Variants in DCDC1 observed in about 807,000 individuals in gnomAD.
DCDC1 encodes the protein doublecortin domain containing 1, also known as doublecortin domain-containing protein 1.
A neutral mutation model predicts 178.3 loss-of-function variants in DCDC1; 200 were observed. The ratio of observed to expected loss-of-function variants is 1.12; its 90% CI spans 1.00 to 1.26. DCDC1 has a LOEUF of 1.26. Among genes scored for constraint, DCDC1 ranks in the 50% most tolerant of loss-of-function variants. DCDC1 has a pLI of 0.00. For missense variants in DCDC1, 1,983 were observed against 1,749.2 expected (o/e 1.13, Z -2.38); for synonymous variants, 690 against 604.8 (o/e 1.14, Z -2.07).
chr11:30,900,288 T>C, intron 33 of DCDC1, 58 bp downstream of exon 33: 2 of 1,366,300 alleles, frequency 1.5e-6, no homozygotes, highest in Middle Eastern at 3.8e-4. Context: ...TGGCATAAAA[T>C]GTATTTCTCT....
intron 8 of DCDC1, among the ~76,000 whole-genome samples, chr11:31,245,606 G>T (rs1224581853): frequency 1.3e-5 from 2 of 151,602 alleles, no homozygotes; most frequent in Non-Finnish European, 1.5e-5. Context: ...CATAAGATTT[G>T]GGAAGGAAGC....
intron 22 of DCDC1, among the ~76,000 whole-genome samples, chr11:30,927,051 T>C (rs1477238112): frequency 2.0e-5 from 3 of 152,132 alleles, no homozygotes; most frequent in African/African-American, 7.2e-5. Flanking sequence ...ACTCTTTCAG[T>C]TCTTTCCAAA....
At chr11:31,127,021 A>T (rs1322840328) in intron 11 of DCDC1, among the ~76,000 whole-genome samples, 1 of 152,200 alleles carries the variant, frequency 6.6e-6, no homozygotes, top group African/African-American at 2.4e-5. Flanking sequence ...TCCAATACAG[A>T]TGCTTTTCCT....
intron 20 of DCDC1, among the ~76,000 whole-genome samples, chr11:31,042,145 G>C (rs1184314808): frequency 6.6e-6 from 1 of 152,138 alleles, no homozygotes; most frequent in Non-Finnish European, 1.5e-5. Flanking sequence ...ATGAAGCATG[G>C]GGGTTGGTGA....
At chr11:31,085,183 A>C (rs1957399348) in intron 17 of DCDC1, among the ~76,000 whole-genome samples, 1 of 151,552 alleles carries the variant, frequency 6.6e-6, no homozygotes, top group Admixed American at 6.6e-5. Flanking sequence ...TTTTTAAAAA[A>C]AACTGCTTTA....
chr11:31,159,344 C>T (rs1398826182), intron 9 of DCDC1, among the ~76,000 whole-genome samples: 4 of 152,256 alleles, frequency 2.6e-5, no homozygotes, highest in Admixed American at 2.0e-4. Context: ...ACATTGGTAT[C>T]CACTCTGTGA....
Position 31,024,184 on chromosome 11 carries a change from T to C in DCDC1, c.2591+40285A>G, listed in dbSNP as rs145739096. On this transcript the variant is annotated intron_variant, in intron 20 of 38. Coordinates refer to ENST00000684477, the MANE Select transcript of DCDC1 (RefSeq NM_001387274.1). ...TTTAATCTCATAGAATATTATAACATTTAAATTATCATTATTAAGTTTATG... is the reference window on the plus strand; with the variant it reads ...TTTAATCTCATAGAATATTATAACACTTAAATTATCATTATTAAGTTTATG... Among the ~76,000 whole-genome samples, 28 of 152,140 alleles carry C rather than the reference T, an allele frequency of 1.8e-4. No homozygotes were observed. The East Asian group carries it at 4.2e-3, about 23-fold the overall frequency.
intron 20 of DCDC1, among the ~76,000 whole-genome samples, chr11:30,987,236 C>T (rs1345612235): frequency 2.6e-5 from 4 of 152,084 alleles, no homozygotes; most frequent in East Asian, 1.9e-4. Context: ...AGGCTGGTCT[C>T]GTACTCCTGA....
intron 9 of DCDC1, among the ~76,000 whole-genome samples, chr11:31,143,564 G>T (rs899502916): frequency 6.6e-6 from 1 of 152,128 alleles, no homozygotes; most frequent in African/African-American, 2.4e-5. Flanking sequence ...TGTGCCAAGA[G>T]CCCAGTCTTA....
intron 11 of DCDC1, among the ~76,000 whole-genome samples, chr11:31,123,630 T>G (rs147100553): frequency 2.1e-4 from 32 of 152,024 alleles, no homozygotes; most frequent in African/African-American, 7.7e-4. Context: ...TCCAGGTTTC[T>G]TGAGATGTGG....
Position 31,103,561 on chromosome 11 carries a change from G to A in DCDC1, c.1877+83C>T, listed in dbSNP as rs531163610. 658 of 608,256 alleles carry A rather than the reference G, an allele frequency of 1.1e-3. 4 individuals are homozygous for A. Among genetic ancestry groups the A allele is most frequent in the South Asian group, 4.5e-3 (210 of 47,082 alleles). 37.7% of individuals were successfully genotyped at this position (608,256 alleles called of 1,614,324 possible). ...CTGAAAGAGCATCTTTTAGTGTTTC[G>A]AATCTCTTACTCTGAAAAATCCTGA... On this transcript the variant is annotated intron_variant, in intron 14 of 38. Coordinates refer to ENST00000684477, the MANE Select transcript of DCDC1 (RefSeq NM_001387274.1).
At chr11:31,341,948 T>C (rs555004713) in intron 1 of DCDC1, among the ~76,000 whole-genome samples, 91 of 152,178 alleles carry the variant, frequency 6.0e-4, no homozygotes, top group Admixed American at 1.9e-3. Context: ...AGAAAAACTT[T>C]CCTGAAGCAA....
intron 9 of DCDC1, among the ~76,000 whole-genome samples, chr11:31,184,538 A>G (rs1969239684): frequency 6.6e-6 from 1 of 152,190 alleles, no homozygotes; most frequent in Non-Finnish European, 1.5e-5. Flanking sequence ...TAATCTATCC[A>G]TCTGACAAAG....
chr11:31,115,981 T>TGGTGG (rs1555066668), intron 11 of DCDC1, among the ~76,000 whole-genome samples: 1 of 38,108 alleles, frequency 2.6e-5, no homozygotes, highest in African/African-American at 6.4e-5. Flanking sequence ...GCTGTGGCAG[T>TGGTGG]GGGGGGGGGG....
chr11:31,103,797 A>G (rs1169299544), intron 13 of DCDC1, 28 bp from the exon 14 acceptor site: 3 of 756,794 alleles, frequency 4.0e-6, no homozygotes, highest in African/African-American at 3.4e-5. Flanking sequence ...CATCAAAACT[A>G]TCTTCAAAAT....
intron 5 of DCDC1, 41 bp downstream of exon 5, chr11:31,306,191 G>GA (rs751011485): frequency 2.4e-5 from 34 of 1,419,538 alleles, no homozygotes; most frequent in Middle Eastern, 1.9e-4. Flanking sequence ...GAGAGTAAGG[G>GA]AAAAAAAATA....
chr11:31,128,952 T>C (rs535654241), intron 10 of DCDC1, among the ~76,000 whole-genome samples: 1 of 152,320 alleles, frequency 6.6e-6, no homozygotes, highest in South Asian at 2.1e-4. Context: ...ATTTGCTGTG[T>C]AGATCCTACA....
intron 9 of DCDC1, among the ~76,000 whole-genome samples, chr11:31,156,702 G>A (rs1201853673): frequency 6.6e-6 from 1 of 152,170 alleles, no homozygotes; most frequent in African/African-American, 2.4e-5. Flanking sequence ...GGACAGGTCT[G>A]TGTCAGTCTG....
intron 20 of DCDC1, among the ~76,000 whole-genome samples, chr11:30,983,063 G>T (rs527875220): frequency 6.6e-6 from 1 of 152,180 alleles, no homozygotes; most frequent in East Asian, 1.9e-4. Flanking sequence ...TGCTAAGAGT[G>T]GGGCATGAAC....
Sources: gnomAD v4.1 joint callset for allele counts (sites outside exome capture counted in the v4.1 genomes callset) on GRCh38, gnomAD v4.1.1 for gene constraint, MANE v1.5 for transcripts, NCBI Gene and HGNC (gene_info 2026-07-23, HGNC 2026-07-21) for gene names.